The following LSAMP variants were observed in gnomAD, a reference collection of about 807,000 sequenced individuals.
LSAMP encodes the protein limbic system-associated membrane protein.
Under a neutral mutation model 38.6 loss-of-function variants are expected in LSAMP, and 7 were observed. The ratio of observed to expected loss-of-function variants is 0.18; its 90% CI spans 0.10 to 0.34. LSAMP has a LOEUF of 0.34. Among genes scored for constraint, LSAMP ranks in the 10% least tolerant of loss-of-function variants. LSAMP has a pLI of 1.00. For missense variants in LSAMP, 313 were observed against 420.0 expected (o/e 0.75, Z 2.23); for synonymous variants, 154 against 166.8 (o/e 0.92, Z 0.59).
chr3:116,232,141 T>C (rs2046408481), intron 1 of LSAMP, among the ~76,000 whole-genome samples: 1 of 152,178 alleles, frequency 6.6e-6, no homozygotes, highest in East Asian at 1.9e-4. Flanking sequence ...ACACATTAAA[T>C]CAATAGCTCT....
At chr3:115,866,518 T>C (rs1225563418) in intron 3 of LSAMP, among the ~76,000 whole-genome samples, 3 of 152,104 alleles carry the variant, frequency 2.0e-5, no homozygotes, top group Non-Finnish European at 4.4e-5. Flanking sequence ...CTTTGATGGG[T>C]GGATAAGCTG....
chr3:116,076,471 A>G (rs1322836477), intron 2 of LSAMP, among the ~76,000 whole-genome samples: 1 of 151,972 alleles, frequency 6.6e-6, no homozygotes, highest in Non-Finnish European at 1.5e-5. Context: ...GTTAGCCAGG[A>G]TGGTCTCAAT....
chr3:116,095,522 G>A (rs1026127361), intron 1 of LSAMP, among the ~76,000 whole-genome samples: 3 of 152,238 alleles, frequency 2.0e-5, no homozygotes, highest in Non-Finnish European at 4.4e-5. Context: ...AGTCCTGAAT[G>A]TGTCTCAACA....
chr3:115,817,651 C>T (rs1283379152), intron 6 of LSAMP, among the ~76,000 whole-genome samples: 2 of 152,184 alleles, frequency 1.3e-5, no homozygotes, highest in African/African-American at 4.8e-5. Context: ...GCCCAAACTG[C>T]TGTTGGAATA....
At chr3:116,307,378 A>G (rs2047497631) in intron 1 of LSAMP, among the ~76,000 whole-genome samples, 1 of 152,012 alleles carries the variant, frequency 6.6e-6, no homozygotes, top group Non-Finnish European at 1.5e-5. Flanking sequence ...TAACATACTA[A>G]CTGGGTACCA....
At chr3:116,136,557 T>G (rs1002820436) in intron 1 of LSAMP, among the ~76,000 whole-genome samples, 3 of 152,150 alleles carry the variant, frequency 2.0e-5, no homozygotes, top group Admixed American at 1.3e-4. Flanking sequence ...TCCAGATCTT[T>G]GATTCTTTTA....
At chr3:116,065,689 C>T (rs759210756) in intron 2 of LSAMP, among the ~76,000 whole-genome samples, 8 of 152,196 alleles carry the variant, frequency 5.3e-5, no homozygotes, top group Non-Finnish European at 7.3e-5. Context: ...CTCCAGATGG[C>T]TATTTCCTTG....
Position 115,894,972 on chromosome 3 carries a change from C to T in LSAMP, c.515-42355G>A, listed in dbSNP as rs112554334. Among the ~76,000 whole-genome samples the T allele has an allele frequency of 3.7e-3, 395 of 106,414 alleles. 3 individuals are homozygous for T. The highest frequency in any genetic ancestry group is 0.015 in the African/African-American group (377 of 25,420). The allele number at this position is 106,414 out of a possible 152,430, so 69.8% of individuals were successfully genotyped here. ...TTTCCTTTCATTATTCTCAAGAGAA[C>T]CAAATGCGGATGAATAGAGAATAAA... On this transcript the variant is annotated intron_variant, in intron 3 of 6. Coordinates refer to ENST00000490035, the MANE Select transcript of LSAMP (RefSeq NM_002338.5).
intron 1 of LSAMP, among the ~76,000 whole-genome samples, chr3:116,190,403 C>T (rs926040648): frequency 4.6e-5 from 7 of 151,952 alleles, no homozygotes; most frequent in Admixed American, 2.0e-4. Flanking sequence ...GAAGGACTTA[C>T]GAAGCCCTGA....
intron 1 of LSAMP, among the ~76,000 whole-genome samples, chr3:116,110,911 G>C (rs1201978982): frequency 6.6e-6 from 1 of 152,130 alleles, no homozygotes; most frequent in Non-Finnish European, 1.5e-5. Flanking sequence ...AGCGAAGGGA[G>C]GTAGGGGTGG....
In LSAMP at chr3:116,158,382, G is replaced by C. The variant is rs74893136; in HGVS notation, c.156-71826C>G. On this transcript the variant is annotated intron_variant, in intron 1 of 6. Coordinates refer to ENST00000490035, the MANE Select transcript of LSAMP (RefSeq NM_002338.5). ...CATCAGGCAAGAGGAAGAAGTAAAA[G>C]GTATCCAAATAGGAAGTCAAAGTAT... Among the ~76,000 whole-genome samples, 399 of 152,120 alleles carry C rather than the reference G, an allele frequency of 2.6e-3. 1 individual carries two copies. Among genetic ancestry groups the C allele is most frequent in the African/African-American group, 9.1e-3 (378 of 41,532 alleles).
At position 116,149,560 on chromosome 3, in the gene LSAMP, A is replaced by G. The variant is rs555838109; in HGVS notation, c.156-63004T>C. Among the ~76,000 whole-genome samples, 22 of 152,070 alleles carry G rather than the reference A, an allele frequency of 1.4e-4. No homozygotes were observed. In the South Asian group the frequency reaches 1.9e-3, roughly 13 times the overall value. The stretch of plus-strand genomic sequence containing the variant: ...TCTAATGCACATTTTGCTCTCTTTC[A>G]ATGGGTATTCAGCAGATTTCAGATC... On this transcript the variant is annotated intron_variant, in intron 1 of 6. Transcript: ENST00000490035.
intron 1 of LSAMP, among the ~76,000 whole-genome samples, chr3:116,301,370 A>T (rs1195274949): frequency 6.6e-6 from 1 of 152,210 alleles, no homozygotes; most frequent in Admixed American, 6.5e-5. Flanking sequence ...AACCCTCTGT[A>T]CCTGACATCC....
chr3:116,225,773 A>T (rs1441117545), intron 1 of LSAMP, among the ~76,000 whole-genome samples: 2 of 151,654 alleles, frequency 1.3e-5, no homozygotes, highest in African/African-American at 2.4e-5. Flanking sequence ...TTTCTGTGCA[A>T]TTAAAAGTAT....
chr3:115,847,495 A>T (rs1935197502), intron 4 of LSAMP, among the ~76,000 whole-genome samples: 1 of 151,882 alleles, frequency 6.6e-6, no homozygotes, highest in Admixed American at 6.6e-5. Context: ...TTGGTTGGTG[A>T]TATGGTTTGG....
In LSAMP at chr3:116,086,445, G is replaced by A. The variant is rs192446693; in HGVS notation, c.267C>T (p.Arg89=). Residue 89 remains arginine (R), a synonymous_variant, in exon 2 of 7, where the codon CGC becomes CGT. Transcript: ENST00000490035. ...SLDPRVELEK[R]HSLEYSLRIQ... Reference sequence around the variant, plus strand: ...TTCGGAGGCTGTATTCCAGAGAATGGCGTTTCTCCAGCTCAACCCGTGGGT... The same window carrying A: ...TTCGGAGGCTGTATTCCAGAGAATGACGTTTCTCCAGCTCAACCCGTGGGT... 17 of 1,614,064 alleles carry A rather than the reference G, an allele frequency of 1.1e-5. No individual in the cohort carries two copies. The highest frequency in any genetic ancestry group is 2.2e-5 in the East Asian group (1 of 44,870).
Position 116,183,925 on chromosome 3 carries a change from C to A in LSAMP, c.156-97369G>T, listed in dbSNP as rs567645000. ...GTTGTAGATACTGGGTTGATTGATTCCTAATGATGGAGGACATTAAATATC... is the reference window on the plus strand; with the variant it reads ...GTTGTAGATACTGGGTTGATTGATTACTAATGATGGAGGACATTAAATATC... On this transcript the variant is annotated intron_variant, in intron 1 of 6. Transcript: ENST00000490035. Among the ~76,000 whole-genome samples, 49 of 151,818 alleles carry A rather than the reference C, an allele frequency of 3.2e-4. 2 individuals carry two copies. The South Asian group carries it at 6.4e-3, about 20-fold the overall frequency.
At chr3:116,019,731 A>C in intron 2 of LSAMP, 91 bp from the exon 3 acceptor site, 2 of 1,390,634 alleles carry the variant, frequency 1.4e-6, no homozygotes, top group Non-Finnish European at 2.0e-6. Context: ...TCAAGGTTTT[A>C]TAACTTAATT....
intron 1 of LSAMP, among the ~76,000 whole-genome samples, chr3:116,339,422 TCAAA>T (rs2047964097): frequency 6.6e-6 from 1 of 151,930 alleles, no homozygotes; most frequent in African/African-American, 2.4e-5. Context: ...TTCAAAAATT[TCAAA>T]CAATCAGCAG....
Sources: allele counts gnomAD v4.1 joint callset (sites outside exome capture counted in the v4.1 genomes callset), GRCh38; gene constraint gnomAD v4.1.1; transcripts MANE v1.5; gene names NCBI Gene and HGNC (gene_info 2026-07-23, HGNC 2026-07-21).